Variants in PLEKHA7 observed in about 807,000 individuals in gnomAD.
PLEKHA7 encodes the protein pleckstrin homology domain containing A7, also known as pleckstrin homology domain-containing family A member 7.
PLEKHA7 carries 104 observed loss-of-function variants against 170.0 expected under a neutral mutation model. The observed-to-expected ratio is 0.61, with a 90% CI of 0.52 to 0.72. The LOEUF (loss-of-function observed/expected upper bound fraction) is 0.72. Ranked by LOEUF, PLEKHA7 falls within the 30% of genes least tolerant of loss-of-function variation. PLEKHA7 has a pLI of 0.00. For missense variants in PLEKHA7, 1,615 were observed against 1,671.7 expected, an observed-to-expected ratio of 0.97 and a Z score of 0.59; for synonymous variants, 648 against 660.8, an observed-to-expected ratio of 0.98 and a Z score of 0.30.
At chr11:16,954,859 T>A (rs1170446349) in intron 3 of PLEKHA7, among the ~76,000 whole-genome samples, 1 of 151,732 alleles carries the variant, frequency 6.6e-6, no homozygotes, top group Admixed American at 6.6e-5. Context: ...CCCGGCTAAT[T>A]TTTTGTATTT....
chr11:16,837,076 G>A (rs990454394), intron 9 of PLEKHA7, among the ~76,000 whole-genome samples: 6 of 152,062 alleles, frequency 3.9e-5, no homozygotes, highest in African/African-American at 9.7e-5. Flanking sequence ...CGCCTGCTTC[G>A]GCCTCCCAAA....
intron 3 of PLEKHA7, among the ~76,000 whole-genome samples, chr11:16,940,481 G>C (rs1162614888): frequency 6.6e-6 from 1 of 151,784 alleles, no homozygotes; most frequent in Non-Finnish European, 1.5e-5. Context: ...GTACAGACGG[G>C]GTTCCACCAG....
At chr11:16,871,417 G>C (rs1364111484) in intron 3 of PLEKHA7, among the ~76,000 whole-genome samples, 1 of 152,148 alleles carries the variant, frequency 6.6e-6, no homozygotes, top group Non-Finnish European at 1.5e-5. Context: ...AGACTTCTAA[G>C]GAAGTCTTGG....
At chr11:16,996,630 C>T (rs1463778728) in intron 3 of PLEKHA7, among the ~76,000 whole-genome samples, 1 of 152,204 alleles carries the variant, frequency 6.6e-6, no homozygotes. Context: ...GAATGCTTCA[C>T]ATAACTTAAA....
At chr11:16,996,075 C>T (rs2302207) in intron 3 of PLEKHA7, among the ~76,000 whole-genome samples, 60,704 of 152,108 alleles carry the variant, frequency 0.4, 12,733 homozygotes, top group East Asian at 0.57. Context: ...AAAATATCTG[C>T]TGTTCATGGA....
intron 3 of PLEKHA7, among the ~76,000 whole-genome samples, chr11:17,008,482 C>A (rs953045574): frequency 3.3e-5 from 5 of 152,224 alleles, no homozygotes; most frequent in African/African-American, 1.2e-4. Flanking sequence ...TAGGCACCAG[C>A]CTTGACAGGC....
chr11:16,801,847 G>A (rs775614646), intron 15 of PLEKHA7, 30 bp from the exon 16 acceptor site: 1 of 1,613,172 alleles, frequency 6.2e-7, no homozygotes, highest in Non-Finnish European at 8.5e-7. Flanking sequence ...AAAACAGCAG[G>A]ATAGGAGGAC....
chr11:16,812,421 G>C (rs563341066), intron 13 of PLEKHA7: 5 of 152,276 alleles, frequency 3.3e-5, no homozygotes, highest in African/African-American at 4.8e-5. Flanking sequence ...ACCCACAGCT[G>C]ACTAAAGGTC....
intron 3 of PLEKHA7, among the ~76,000 whole-genome samples, chr11:16,927,825 C>T (rs1410202620): frequency 2.0e-5 from 3 of 152,098 alleles, no homozygotes; most frequent in Non-Finnish European, 4.4e-5. Flanking sequence ...TTTATAAGAG[C>T]AAGTAATTGG....
At chr11:16,824,173 A>G (rs745757902) in intron 10 of PLEKHA7, among the ~76,000 whole-genome samples, 7 of 152,336 alleles carry the variant, frequency 4.6e-5, no homozygotes, top group Non-Finnish European at 7.3e-5. Flanking sequence ...GATAGAATCA[A>G]TAAGAGCTAG....
chr11:16,812,646 C>G (rs1849452639), intron 13 of PLEKHA7, among the ~76,000 whole-genome samples: 2 of 152,194 alleles, frequency 1.3e-5, no homozygotes, highest in Admixed American at 1.3e-4. Flanking sequence ...GCCTTCACCT[C>G]CTAAACCGAG....
chr11:16,939,515 A>T (rs1860535678), intron 3 of PLEKHA7, among the ~76,000 whole-genome samples: 1 of 152,240 alleles, frequency 6.6e-6, no homozygotes, highest in Non-Finnish European at 1.5e-5. Flanking sequence ...AATTTTAAAA[A>T]TTTACGTATT....
At chr11:16,951,806 G>C (rs1861422735) in intron 3 of PLEKHA7, among the ~76,000 whole-genome samples, 1 of 152,208 alleles carries the variant, frequency 6.6e-6, no homozygotes, top group Non-Finnish European at 1.5e-5. Flanking sequence ...GCTCCAAAGG[G>C]ATGAGACTGG....
At chr11:16,968,604 G>T (rs746762244) in intron 3 of PLEKHA7, among the ~76,000 whole-genome samples, 1 of 152,182 alleles carries the variant, frequency 6.6e-6, no homozygotes, top group Admixed American at 6.5e-5. Context: ...TCCTTGAAGG[G>T]CTGCTTTGTG....
chr11:16,950,631 G>C (rs557906187), intron 3 of PLEKHA7, among the ~76,000 whole-genome samples: 2 of 151,990 alleles, frequency 1.3e-5, no homozygotes, highest in South Asian at 4.1e-4. Flanking sequence ...TCGCCATTGT[G>C]GCCCCACAGA....
chr11:16,785,878 A>G (rs887876962), intron 24 of PLEKHA7, among the ~76,000 whole-genome samples: 3 of 152,190 alleles, frequency 2.0e-5, no homozygotes, highest in African/African-American at 7.2e-5. Flanking sequence ...AACATTTCCT[A>G]ACAATAACAA....
intron 3 of PLEKHA7, among the ~76,000 whole-genome samples, chr11:16,936,539 C>G (rs556111357): frequency 6.6e-6 from 1 of 152,172 alleles, no homozygotes; most frequent in South Asian, 2.1e-4. Context: ...TTGTCATTTC[C>G]CACCTCCACT....
At chr11:16,853,024 T>C (rs745413544) in intron 6 of PLEKHA7, among the ~76,000 whole-genome samples, 3 of 152,272 alleles carry the variant, frequency 2.0e-5, no homozygotes, top group Middle Eastern at 3.4e-3. Flanking sequence ...TTGGGGTGAG[T>C]TTTCTCTCAA....
At chr11:16,985,608 C>G (rs1863679530) in intron 3 of PLEKHA7, among the ~76,000 whole-genome samples, 1 of 152,234 alleles carries the variant, frequency 6.6e-6, no homozygotes, top group Non-Finnish European at 1.5e-5. Context: ...ACCACTTATC[C>G]ATCCGTTCAT....
Sources: allele counts gnomAD v4.1 joint callset (sites outside exome capture counted in the v4.1 genomes callset), GRCh38; gene constraint gnomAD v4.1.1; transcripts MANE v1.5; gene names NCBI Gene and HGNC (gene_info 2026-07-23, HGNC 2026-07-21).